Variants in TFEC observed in about 807,000 individuals in gnomAD.
TFEC encodes the protein class E basic helix-loop-helix protein 34.
Under a neutral mutation model 41.6 loss-of-function variants are expected in TFEC, and 31 were observed. That is an observed-to-expected ratio of 0.74 (90% CI 0.56 to 1.01). The LOEUF is 1.01. Ranked by LOEUF, TFEC falls within the 50% of genes least tolerant of loss-of-function variation. TFEC has a pLI of 0.00. For synonymous variants in TFEC, 143 were observed against 140.6 expected (o/e 1.02, Z -0.12); for missense variants, 402 against 404.1 (o/e 0.99, Z 0.04).
chr7:116,086,477 C>T (rs1388487080), intron 3 of TFEC, among the ~76,000 whole-genome samples: 1 of 151,966 alleles, frequency 6.6e-6, no homozygotes, highest in Non-Finnish European at 1.5e-5. Context: ...AAGATCAAAT[C>T]AGGATATTTA....
chr7:116,120,983 A>G (rs1798096877), intron 1 of TFEC, among the ~76,000 whole-genome samples: 1 of 152,006 alleles, frequency 6.6e-6, no homozygotes, highest in Admixed American at 6.6e-5. Flanking sequence ...ATATGTAAAA[A>G]TAAAAGTAGG....
intron 3 of TFEC, among the ~76,000 whole-genome samples, chr7:115,962,619 G>A (rs1220543035): frequency 6.6e-6 from 1 of 151,654 alleles, no homozygotes; most frequent in Admixed American, 6.6e-5. Context: ...AATGGTGTTG[G>A]AAAAACTGGC....
intron 1 of TFEC, among the ~76,000 whole-genome samples, chr7:116,129,337 T>C (rs943331515): frequency 6.6e-6 from 1 of 152,044 alleles, no homozygotes; most frequent in East Asian, 1.9e-4. Flanking sequence ...TTGTCCTTTT[T>C]TTTTTCCTCC....
chr7:115,944,841 A>G (rs1054450076), intron 6 of TFEC, among the ~76,000 whole-genome samples: 2 of 151,502 alleles, frequency 1.3e-5, no homozygotes, highest in Non-Finnish European at 1.5e-5. Flanking sequence ...ACTCTTAGTA[A>G]ATAAAACTGC....
chr7:116,008,059 T>A (rs2130802716), intron 1 of TFEC, among the ~76,000 whole-genome samples: 1 of 152,282 alleles, frequency 6.6e-6, no homozygotes, highest in East Asian at 1.9e-4. Context: ...AGACCACTTA[T>A]CTAAACTGAG....
At chr7:116,149,022 G>T (rs1798704280) in intron 1 of TFEC, among the ~76,000 whole-genome samples, 1 of 151,986 alleles carries the variant, frequency 6.6e-6, no homozygotes, top group African/African-American at 2.4e-5. Context: ...AAAGAATTAT[G>T]GTGTATCCAG....
intron 2 of TFEC, among the ~76,000 whole-genome samples, chr7:115,983,884 C>T (rs1467336605): frequency 6.6e-6 from 1 of 151,948 alleles, no homozygotes; most frequent in African/African-American, 2.4e-5. Flanking sequence ...AAATTTACTG[C>T]TATTTAAGTA....
chr7:116,094,583 G>A (rs1797407113), intron 3 of TFEC, among the ~76,000 whole-genome samples: 1 of 152,116 alleles, frequency 6.6e-6, no homozygotes, highest in Non-Finnish European at 1.5e-5. Context: ...GGGAGGCTGA[G>A]GCAGGAGAAT....
intron 3 of TFEC, among the ~76,000 whole-genome samples, chr7:116,046,943 C>T (rs548429358): frequency 4.5e-4 from 69 of 152,248 alleles, no homozygotes; most frequent in Admixed American, 1.8e-3. Flanking sequence ...GGGAGAATAC[C>T]ATTTTATTAC....
intron 1 of TFEC, among the ~76,000 whole-genome samples, chr7:116,114,091 T>C (rs1198571142): frequency 6.6e-6 from 1 of 152,070 alleles, no homozygotes; most frequent in African/African-American, 2.4e-5. Flanking sequence ...CCTAACAATA[T>C]AATTTAGTAA....
At chr7:116,128,068 T>A (rs1798252105) in intron 1 of TFEC, among the ~76,000 whole-genome samples, 1 of 152,206 alleles carries the variant, frequency 6.6e-6, no homozygotes, top group Admixed American at 6.5e-5. Flanking sequence ...ACTTTTCTAT[T>A]GCACAAACTA....
intron 1 of TFEC, among the ~76,000 whole-genome samples, chr7:115,998,695 A>G (rs1794465953): frequency 6.6e-6 from 1 of 152,074 alleles, no homozygotes; most frequent in African/African-American, 2.4e-5. Flanking sequence ...AATAATAGAT[A>G]AAGTAGATTT....
intron 3 of TFEC, among the ~76,000 whole-genome samples, chr7:116,049,551 T>A (rs1796258001): frequency 6.6e-6 from 1 of 152,114 alleles, no homozygotes; most frequent in African/African-American, 2.4e-5. Flanking sequence ...CACCCCACTG[T>A]CAACATTAGA....
At chr7:116,156,254 G>C (rs923929995) in intron 1 of TFEC, among the ~76,000 whole-genome samples, 1 of 152,120 alleles carries the variant, frequency 6.6e-6, no homozygotes, top group Non-Finnish European at 1.5e-5. Context: ...TTCAAAGACA[G>C]CTCATGGAGC....
At chr7:116,104,161 A>G (rs1797665795) in intron 3 of TFEC, among the ~76,000 whole-genome samples, 1 of 152,174 alleles carries the variant, frequency 6.6e-6, no homozygotes, top group Non-Finnish European at 1.5e-5. Flanking sequence ...TATTACCTAA[A>G]ATCAAGACAG....
intron 2 of TFEC, among the ~76,000 whole-genome samples, chr7:115,984,010 C>T (rs1305888412): frequency 2.6e-5 from 4 of 151,984 alleles, no homozygotes; most frequent in Non-Finnish European, 2.9e-5. Context: ...AAACACATAC[C>T]ACTATTAGTG....
chr7:116,114,732 A>C (rs1797936087), intron 1 of TFEC, among the ~76,000 whole-genome samples: 1 of 152,048 alleles, frequency 6.6e-6, no homozygotes, highest in Non-Finnish European at 1.5e-5. Context: ...CAAAAGCAGC[A>C]TCCGAGAAAT....
chr7:116,088,069 A>T (rs1797240753), intron 3 of TFEC, among the ~76,000 whole-genome samples: 1 of 152,076 alleles, frequency 6.6e-6, no homozygotes, highest in South Asian at 2.1e-4. Flanking sequence ...TGCTGTCATG[A>T]TTCTCATGAT....
At chr7:115,967,645 T>G (rs894703550) in intron 3 of TFEC, among the ~76,000 whole-genome samples, 3 of 151,792 alleles carry the variant, frequency 2.0e-5, no homozygotes, top group East Asian at 3.9e-4. Context: ...GCTGTTATTA[T>G]TTTTGTCCTA....
Sources: gnomAD v4.1 joint callset for allele counts (sites outside exome capture counted in the v4.1 genomes callset) on GRCh38, gnomAD v4.1.1 for gene constraint, MANE v1.5 for transcripts, NCBI Gene and HGNC (gene_info 2026-07-23, HGNC 2026-07-21) for gene names.